Variants in BMPER observed in about 807,000 individuals in gnomAD.
BMPER encodes the protein BMP binding endothelial regulator, also known as BMP-binding endothelial regulator protein.
BMPER carries 45 observed loss-of-function variants against 87.3 expected under a neutral mutation model. The ratio of observed to expected loss-of-function variants is 0.52; its 90% CI spans 0.41 to 0.66. The LOEUF (loss-of-function observed/expected upper bound fraction) is 0.66. BMPER is among the 30% of genes least tolerant of loss of function. The pLI is 0.00. For missense variants in BMPER, 784 were observed against 867.5 expected, an observed-to-expected ratio of 0.90 and a Z score of 1.21; for synonymous variants, 326 against 316.2, an observed-to-expected ratio of 1.03 and a Z score of -0.33.
chr7:33,962,673 T>G (rs1306670899), intron 3 of BMPER, among the ~76,000 whole-genome samples: 1 of 152,208 alleles, frequency 6.6e-6, no homozygotes, highest in African/African-American at 2.4e-5. Flanking sequence ...TCGTAGTGAT[T>G]TTATCAGAAC....
intron 12 of BMPER, among the ~76,000 whole-genome samples, chr7:34,084,087 T>C (rs1384517770): frequency 1.3e-5 from 2 of 150,992 alleles, no homozygotes; most frequent in African/African-American, 4.9e-5. Context: ...GTGGATTGCC[T>C]GAGCTCAGGA....
At chr7:33,931,281 C>G (rs1238345289) in intron 2 of BMPER, among the ~76,000 whole-genome samples, 2 of 152,176 alleles carry the variant, frequency 1.3e-5, no homozygotes, top group African/African-American at 4.8e-5. Flanking sequence ...CATTTTAGTG[C>G]TGTGCTTTAC....
At chr7:34,015,128 C>A (rs1332050916) in intron 6 of BMPER, among the ~76,000 whole-genome samples, 1 of 151,846 alleles carries the variant, frequency 6.6e-6, no homozygotes, top group African/African-American at 2.4e-5. Flanking sequence ...GATAAAAGAA[C>A]AAATATACCA....
chr7:33,991,677 C>T (rs1384923579), intron 6 of BMPER, among the ~76,000 whole-genome samples: 2 of 151,604 alleles, frequency 1.3e-5, no homozygotes, highest in African/African-American at 4.8e-5. Context: ...TGTGTTTGCT[C>T]TTGCTTTTCT....
rs79806142 is a variant in BMPER, at chr7:34,033,410, A to G, written c.577-12896A>G. 8.1e-3 allele frequency among the ~76,000 whole-genome samples: 1,234 copies of G among 152,306 alleles called. 8 individuals are homozygous for G. Among genetic ancestry groups the G allele is most frequent in the Non-Finnish European group, 0.013 (886 of 68,022 alleles). ...TTCTCTGAACTTGGCAACCACATGT[A>G]GTACCAATGGATGAGGCTCTTTATA... On this transcript the variant is annotated intron_variant, in intron 6 of 14. Transcript: ENST00000649409.
chr7:34,125,968 C>T (rs1206628672), intron 13 of BMPER, among the ~76,000 whole-genome samples: 3 of 152,164 alleles, frequency 2.0e-5, no homozygotes, highest in Non-Finnish European at 4.4e-5. Context: ...AGTAACTGTG[C>T]TGGATGCTGA....
chr7:34,036,053 C>T lies in BMPER; in HGVS notation c.577-10253C>T, dbSNP rs114604878. On this transcript the variant is annotated intron_variant, in intron 6 of 14. Transcript: ENST00000649409. ...AGCCTGGGGAACATGAAAAAATGCCCTTTCTCCTGCATAATGGTGTTATTT... is the reference window on the plus strand; with the variant it reads ...AGCCTGGGGAACATGAAAAAATGCCTTTTCTCCTGCATAATGGTGTTATTT... Among the ~76,000 whole-genome samples the T allele has an allele frequency of 7.7e-3, 1,169 of 152,216 alleles. 18 individuals are homozygous for T. Among genetic ancestry groups the T allele is most frequent in the African/African-American group, 0.027 (1,120 of 41,528 alleles).
intron 13 of BMPER, among the ~76,000 whole-genome samples, chr7:34,088,976 C>T (rs1417672048): frequency 1.3e-5 from 2 of 152,056 alleles, no homozygotes; most frequent in Non-Finnish European, 2.9e-5. Context: ...TGTTTTTTGT[C>T]TCATGAGAAT....
At chr7:33,929,399 A>G (rs1469142029) in intron 2 of BMPER, among the ~76,000 whole-genome samples, 1 of 152,182 alleles carries the variant, frequency 6.6e-6, no homozygotes, top group Non-Finnish European at 1.5e-5. Context: ...CTTGCAAATG[A>G]CCAGGCACTC....
At chr7:33,962,894 A>G (rs1211122683) in intron 3 of BMPER, among the ~76,000 whole-genome samples, 3 of 152,024 alleles carry the variant, frequency 2.0e-5, no homozygotes, top group South Asian at 4.2e-4. Context: ...TTACTCTTTT[A>G]TTTAATTACT....
At chr7:34,138,001 T>C (rs1044560127) in intron 13 of BMPER, among the ~76,000 whole-genome samples, 2 of 152,194 alleles carry the variant, frequency 1.3e-5, no homozygotes, top group African/African-American at 4.8e-5. Context: ...CACCATCTAA[T>C]AGCACTCTCT....
intron 3 of BMPER, among the ~76,000 whole-genome samples, chr7:33,949,461 T>C (rs1784968327): frequency 6.6e-6 from 1 of 152,196 alleles, no homozygotes; most frequent in Non-Finnish European, 1.5e-5. Flanking sequence ...TGTGTGTGTG[T>C]GTTTCATTTC....
At chr7:34,027,591 C>G (rs937132758) in intron 6 of BMPER, among the ~76,000 whole-genome samples, 1 of 151,962 alleles carries the variant, frequency 6.6e-6, no homozygotes, top group African/African-American at 2.4e-5. Context: ...CTGACCCAAC[C>G]GCTATTTTCA....
intron 13 of BMPER, among the ~76,000 whole-genome samples, chr7:34,131,936 G>T (rs1006700387): frequency 5.9e-5 from 9 of 152,164 alleles, no homozygotes; most frequent in Admixed American, 5.9e-4. Context: ...TTCCATTTCT[G>T]TGCATGGATG....
chr7:34,055,061 A>G, intron 8 of BMPER, 102 bp from the exon 9 acceptor site: 1 of 1,515,760 alleles, frequency 6.6e-7, no homozygotes, highest in Non-Finnish European at 9.2e-7. Context: ...TACCTTACAG[A>G]CTTTGACACA....
chr7:33,917,148 C>T (rs77964564), intron 2 of BMPER, among the ~76,000 whole-genome samples: 2,740 of 152,160 alleles, frequency 0.018, 94 homozygotes, highest in East Asian at 0.099. Flanking sequence ...GGTTCTGGGG[C>T]GATCTGACTT....
intron 3 of BMPER, among the ~76,000 whole-genome samples, chr7:33,949,049 T>G (rs1378742078): frequency 6.6e-6 from 1 of 152,168 alleles, no homozygotes; most frequent in East Asian, 1.9e-4. Flanking sequence ...AAAGAAAGTA[T>G]GTAGGCAGAG....
chr7:34,143,394 G>T, intron 14 of BMPER, 34 bp downstream of exon 14: 2 of 1,612,876 alleles, frequency 1.2e-6, no homozygotes, highest in Non-Finnish European at 1.7e-6. Flanking sequence ...CCCATCAAAA[G>T]TTTACTGCAA....
intron 13 of BMPER, among the ~76,000 whole-genome samples, chr7:34,116,351 T>G (rs936602420): frequency 3.3e-5 from 5 of 151,980 alleles, no homozygotes; most frequent in Non-Finnish European, 7.4e-5. Context: ...ATACAGTGAG[T>G]TTTTTTTCCA....
Sources: gnomAD v4.1 joint callset for allele counts (sites outside exome capture counted in the v4.1 genomes callset) on GRCh38, gnomAD v4.1.1 for gene constraint, MANE v1.5 for transcripts, NCBI Gene and HGNC (gene_info 2026-07-23, HGNC 2026-07-21) for gene names.